The following NRXN1 variants were observed in gnomAD, a reference collection of about 807,000 sequenced individuals.
NRXN1 encodes neurexin 1, also known as neurexin-1.
Under a neutral mutation model 150.9 loss-of-function variants are expected in NRXN1, and 39 were observed. The observed-to-expected ratio is 0.26, with a 90% CI of 0.20 to 0.34. The LOEUF is 0.34. Among genes scored for constraint, NRXN1 ranks in the 10% least tolerant of loss-of-function variants. NRXN1 has a pLI of 1.00. For missense variants in NRXN1, 1,815 were observed against 1,949.9 expected, an observed-to-expected ratio of 0.93 and a Z score of 1.30; for synonymous variants, 924 against 757.0, an observed-to-expected ratio of 1.22 and a Z score of -3.62.
intron 2 of NRXN1, among the ~76,000 whole-genome samples, chr2:51,014,271 G>A (rs1356734039): frequency 5.9e-5 from 9 of 152,032 alleles, no homozygotes; most frequent in African/African-American, 1.9e-4. Flanking sequence ...TTAGAGGAAG[G>A]AGGCTGAATG....
At chr2:50,542,309 T>G (rs147198512) in intron 9 of NRXN1, among the ~76,000 whole-genome samples, 165 of 150,082 alleles carry the variant, frequency 1.1e-3, no homozygotes, top group African/African-American at 3.2e-3. Context: ...GAGAGAGAGA[T>G]AGAGAACAAG....
At chr2:50,068,129 T>C (rs933768222) in intron 19 of NRXN1, among the ~76,000 whole-genome samples, 4 of 152,184 alleles carry the variant, frequency 2.6e-5, no homozygotes, top group African/African-American at 9.7e-5. Context: ...TTATTTTCAA[T>C]GGACTTCAAT....
intron 18 of NRXN1, among the ~76,000 whole-genome samples, chr2:50,126,199 C>T (rs1476435623): frequency 3.3e-5 from 5 of 152,084 alleles, no homozygotes; most frequent in Admixed American, 6.6e-5. Context: ...AGGCATGCAG[C>T]GCATATTAGA....
At chr2:50,180,290 T>C (rs533334782) in intron 18 of NRXN1, among the ~76,000 whole-genome samples, 7 of 152,212 alleles carry the variant, frequency 4.6e-5, no homozygotes, top group Non-Finnish European at 1.0e-4. Flanking sequence ...CTCCCAAAGT[T>C]CTGGGATTAC....
At chr2:50,094,169 G>T (rs1429959922) in intron 18 of NRXN1, among the ~76,000 whole-genome samples, 1 of 152,170 alleles carries the variant, frequency 6.6e-6, no homozygotes, top group Non-Finnish European at 1.5e-5. Flanking sequence ...TTTCAGCTGA[G>T]ATGTTAACAT....
intron 15 of NRXN1, among the ~76,000 whole-genome samples, chr2:50,479,485 G>A (rs950559067): frequency 3.3e-5 from 5 of 152,106 alleles, no homozygotes; most frequent in African/African-American, 1.2e-4. Context: ...CTTTGTATGT[G>A]TAAGCCTTAT....
chr2:50,728,811 T>C (rs1187901910), intron 5 of NRXN1, among the ~76,000 whole-genome samples: 1 of 152,152 alleles, frequency 6.6e-6, no homozygotes, highest in Non-Finnish European at 1.5e-5. Context: ...CAGTATTTTA[T>C]TTAAATGAAG....
chr2:49,997,118 C>A (rs13417424), intron 21 of NRXN1, among the ~76,000 whole-genome samples: 1 of 152,014 alleles, frequency 6.6e-6, no homozygotes, highest in Non-Finnish European at 1.5e-5. Context: ...AAATCTTTTT[C>A]GAACACAGTA....
At chr2:50,468,486 A>C (rs949334865) in intron 16 of NRXN1, among the ~76,000 whole-genome samples, 1 of 151,624 alleles carries the variant, frequency 6.6e-6, no homozygotes, top group South Asian at 2.1e-4. Flanking sequence ...GAGAGCCTTA[A>C]ATTTATTTTT....
At chr2:51,015,738 T>C (rs1052091456) in intron 2 of NRXN1, among the ~76,000 whole-genome samples, 1 of 152,046 alleles carries the variant, frequency 6.6e-6, no homozygotes, top group African/African-American at 2.4e-5. Flanking sequence ...CAACCATTTT[T>C]AACTTAAATA....
At chr2:50,429,403 C>T (rs551658185) in intron 17 of NRXN1, among the ~76,000 whole-genome samples, 5 of 152,056 alleles carry the variant, frequency 3.3e-5, no homozygotes, top group Non-Finnish European at 7.4e-5. Flanking sequence ...ATTACAGGCA[C>T]ATGCCATCAC....
intron 21 of NRXN1, among the ~76,000 whole-genome samples, chr2:49,950,593 T>C (rs1234403140): frequency 6.6e-6 from 1 of 152,004 alleles, no homozygotes; most frequent in African/African-American, 2.4e-5. Flanking sequence ...CTGAGGCAAA[T>C]GAACAAATAA....
intron 21 of NRXN1, among the ~76,000 whole-genome samples, chr2:50,001,540 A>T (rs1683930363): frequency 6.6e-6 from 1 of 152,150 alleles, no homozygotes; most frequent in East Asian, 1.9e-4. Context: ...TATCGCATTC[A>T]CATACCTATT....
intron 5 of NRXN1, among the ~76,000 whole-genome samples, chr2:50,878,848 GC>G (rs1679005003): frequency 6.6e-6 from 1 of 151,914 alleles, no homozygotes; most frequent in Admixed American, 6.6e-5. Flanking sequence ...GTAGGTTTTT[GC>G]TTCCCCAAAG....
intron 18 of NRXN1, among the ~76,000 whole-genome samples, chr2:50,101,058 A>C (rs1700913212): frequency 1.3e-5 from 2 of 152,062 alleles, no homozygotes. Context: ...CCTTTTCCAA[A>C]GTGTAATGAG....
chr2:50,307,542 T>C (rs1193121901), intron 17 of NRXN1, among the ~76,000 whole-genome samples: 4 of 152,176 alleles, frequency 2.6e-5, no homozygotes, highest in African/African-American at 4.8e-5. Flanking sequence ...ATGGATTTAA[T>C]TGCTTATTCT....
intron 18 of NRXN1, among the ~76,000 whole-genome samples, chr2:50,232,368 T>C (rs1057024334): frequency 6.7e-6 from 1 of 148,272 alleles, no homozygotes; most frequent in Non-Finnish European, 1.5e-5. Flanking sequence ...TACTGTATTA[T>C]TTTTCTTTCT....
At chr2:50,256,367 C>G (rs893343532) in intron 17 of NRXN1, among the ~76,000 whole-genome samples, 3 of 152,096 alleles carry the variant, frequency 2.0e-5, no homozygotes, top group African/African-American at 7.2e-5. Flanking sequence ...CATTTTCTAA[C>G]CGCTGTTTGG....
intron 5 of NRXN1, among the ~76,000 whole-genome samples, chr2:50,735,881 A>C (rs1698677215): frequency 6.6e-6 from 1 of 152,110 alleles, no homozygotes; most frequent in South Asian, 2.1e-4. Flanking sequence ...TACTACCTTC[A>C]TCCAGGTCCA....
Sources: allele counts gnomAD v4.1 joint callset (sites outside exome capture counted in the v4.1 genomes callset), GRCh38; gene constraint gnomAD v4.1.1; transcripts MANE v1.5; gene names NCBI Gene and HGNC (gene_info 2026-07-23, HGNC 2026-07-21).